ISY1: variants seen among roughly 807,000 people sequenced by gnomAD.
ISY1 encodes ISY1 spliceosome associated protein.
In ISY1, 12 loss-of-function variants were observed where a neutral mutation model predicts 54.4. The observed-to-expected ratio is 0.22, with a 90% CI of 0.14 to 0.36. ISY1 has a LOEUF of 0.36. Among genes scored for constraint, ISY1 ranks in the 10% least tolerant of loss-of-function variants. ISY1 has a pLI of 1.00. For missense variants in ISY1, 282 were observed against 342.2 expected (o/e 0.82, Z 1.39); for synonymous variants, 96 against 117.9 (o/e 0.81, Z 1.20).
intron 8 of ISY1, 61 bp downstream of exon 8, chr3:129,134,771 T>C: frequency 6.5e-7 from 1 of 1,534,140 alleles, no homozygotes; most frequent in Non-Finnish European, 8.8e-7. Context: ...AATCCTGTTT[T>C]CAAAGGACAC....
chr3:129,139,599 G>A (rs1308864155), intron 7 of ISY1, among the ~76,000 whole-genome samples: 3 of 147,730 alleles, frequency 2.0e-5, no homozygotes, highest in Admixed American at 1.4e-4. Context: ...AGGAGGAAAG[G>A]TGGGTGTGCC....
chr3:129,159,321 C>T, intron 1 of ISY1, 145 bp from the exon 2 acceptor site: 1 of 1,081,572 alleles, frequency 9.2e-7, no homozygotes, highest in Non-Finnish European at 1.3e-6. Flanking sequence ...AAACAAAAAT[C>T]AAAAGATGTC....
chr3:129,127,680 TCA>T lies in ISY1; in HGVS notation c.*2399_*2400del, dbSNP rs1936127411. 6.6e-6 allele frequency: 1 copy of T among 152,330 alleles called. No homozygotes were observed. The highest frequency in any genetic ancestry group is 2.4e-5 in the African/African-American group (1 of 41,430). The allele number at this position is 152,330 out of a possible 1,614,324, so 9.4% of individuals were successfully genotyped here. On this transcript the variant is annotated 3_prime_UTR_variant, in exon 11 of 11. Coordinates refer to ENST00000393295, the MANE Select transcript of ISY1 (RefSeq NM_020701.4). The stretch of plus-strand genomic sequence containing the variant: ...TGTCCAGCTGGGTGCTTCTCCACTC[TCA>T]GTCTGTTTGCTCAAATGTGGAATTC...
chr3:129,149,991 A>C (rs1382209775), intron 5 of ISY1, among the ~76,000 whole-genome samples: 65 of 148,072 alleles, frequency 4.4e-4, no homozygotes, highest in Admixed American at 1.4e-3. Context: ...AAAAAAAAAA[A>C]GAAAAAGTCA....
intron 5 of ISY1, among the ~76,000 whole-genome samples, chr3:129,152,152 T>C (rs536532557): frequency 6.6e-6 from 1 of 151,536 alleles, no homozygotes; most frequent in African/African-American, 2.4e-5. Flanking sequence ...AGAGCAAAAC[T>C]CCGTCTCAGA....
At chr3:129,138,477 T>C (rs141150608) in intron 7 of ISY1, among the ~76,000 whole-genome samples, 2 of 147,792 alleles carry the variant, frequency 1.4e-5, no homozygotes, top group Admixed American at 6.8e-5. Context: ...CTACTAAAAA[T>C]ACAAAAAAAA....
intron 7 of ISY1, among the ~76,000 whole-genome samples, chr3:129,135,807 CT>C (rs1936379467): frequency 6.6e-6 from 1 of 151,426 alleles, no homozygotes. Context: ...TAGCAAAAAG[CT>C]TCATGTACAG....
At chr3:129,157,656 G>A (rs553898494) in intron 3 of ISY1, among the ~76,000 whole-genome samples, 7 of 149,502 alleles carry the variant, frequency 4.7e-5, no homozygotes, top group African/African-American at 1.7e-4. Flanking sequence ...GGGAGTTGGA[G>A]GTTACAGTGA....
intron 5 of ISY1, among the ~76,000 whole-genome samples, chr3:129,153,478 T>G (rs573519602): frequency 6.6e-6 from 1 of 152,250 alleles, no homozygotes; most frequent in East Asian, 1.9e-4. Context: ...CCCTTCCAGT[T>G]GTAACAATCA....
At chr3:129,136,256 C>CGGT in intron 7 of ISY1, among the ~76,000 whole-genome samples, 1 of 151,954 alleles carries the variant, frequency 6.6e-6, no homozygotes, top group Non-Finnish European at 1.5e-5. Context: ...CACCCGCCAC[C>CGGT]ACACCCAGCT....
chr3:129,133,936 GT>G, intron 9 of ISY1, 137 bp downstream of exon 9: 1 of 1,455,536 alleles, frequency 6.9e-7, no homozygotes, highest in Non-Finnish European at 9.2e-7. Flanking sequence ...TCTCGCAAGT[GT>G]TTTCACAGCC....
rs1055393317 is a variant in ISY1 at position 129,129,750 on chromosome 3, A to G, written c.*331T>C. On this transcript the variant is annotated 3_prime_UTR_variant, in exon 11 of 11. Transcript: ENST00000393295. ...AAAATTATACTTTGGTCTGCAAAAA[A>G]TTGCATTTTTAAATGTTTGCCACTA... is the stretch of plus-strand genomic sequence containing the variant. 1 of 212,138 alleles carries G rather than the reference A, an allele frequency of 4.7e-6. No homozygotes were observed. The highest frequency in any genetic ancestry group is 5.8e-5 in the Admixed American group (1 of 17,100). 13.1% of individuals were successfully genotyped at this position (212,138 alleles called of 1,614,324 possible).
chr3:129,136,664 C>T (rs1438353552), intron 7 of ISY1, among the ~76,000 whole-genome samples: 4 of 150,916 alleles, frequency 2.7e-5, no homozygotes, highest in African/African-American at 7.3e-5. Context: ...CCACCACGCC[C>T]GGCTAATTTT....
intron 7 of ISY1, 78 bp from the exon 8 acceptor site, chr3:129,135,032 T>TAC: frequency 1.3e-6 from 2 of 1,498,236 alleles, no homozygotes. Flanking sequence ...TGCAACGCTA[T>TAC]ACACACACGT....
At chr3:129,149,987 A>G (rs930173421) in intron 5 of ISY1, among the ~76,000 whole-genome samples, 13 of 151,028 alleles carry the variant, frequency 8.6e-5, no homozygotes, top group South Asian at 6.3e-4. Context: ...AAAAAAAAAA[A>G]AAAAGAAAAA....
At chr3:129,152,242 CT>C (rs1460994492) in intron 5 of ISY1, among the ~76,000 whole-genome samples, 1 of 152,120 alleles carries the variant, frequency 6.6e-6, no homozygotes, top group African/African-American at 2.4e-5. Context: ...GAATAAACGT[CT>C]AATTTTGTCA....
intron 5 of ISY1, among the ~76,000 whole-genome samples, chr3:129,155,404 A>C (rs569125504): frequency 3.2e-4 from 48 of 151,728 alleles, no homozygotes; most frequent in Non-Finnish European, 4.3e-4. Flanking sequence ...CATGTTGGCC[A>C]GGATAGTCTC....
Position 129,150,301 on chromosome 3 carries a change from A to C in ISY1, c.188-4428T>G, listed in dbSNP as rs1936926700. ...AAGAATTAACATCTGTACTGTGTTA[A>C]GTCTTCCCATACAACAGCACAGTGT... On this transcript the variant is annotated intron_variant, in intron 5 of 10. Coordinates refer to ENST00000393295, the MANE Select transcript of ISY1 (RefSeq NM_020701.4). 2.0e-5 allele frequency among the ~76,000 whole-genome samples: 3 copies of C among 152,220 alleles called. 1 individual carries two copies. The highest frequency in any genetic ancestry group is 4.4e-5 in the Non-Finnish European group (3 of 68,042).
At chr3:129,147,564 C>T (rs1936806028) in intron 5 of ISY1, among the ~76,000 whole-genome samples, 1 of 152,062 alleles carries the variant, frequency 6.6e-6, no homozygotes, top group African/African-American at 2.4e-5. Context: ...CCAGAAGCCT[C>T]TCCCAAAGCA....
Sources: allele counts gnomAD v4.1 joint callset (sites outside exome capture counted in the v4.1 genomes callset), GRCh38; gene constraint gnomAD v4.1.1; transcripts MANE v1.5; gene names NCBI Gene and HGNC (gene_info 2026-07-23, HGNC 2026-07-21).